KCNQ2: variants seen among roughly 807,000 people sequenced by gnomAD.
KCNQ2 encodes the protein potassium voltage-gated channel subfamily KQT member 2.
KCNQ2 carries 14 observed loss-of-function variants against 84.8 expected under a neutral mutation model. That is an observed-to-expected ratio of 0.17 (90% CI 0.11 to 0.26). KCNQ2 has a LOEUF of 0.26. KCNQ2 is among the 10% of genes least tolerant of loss of function. The pLI is 1.00. For missense variants in KCNQ2, 788 were observed against 1,254.0 expected (o/e 0.63, Z 5.61); for synonymous variants, 599 against 554.1 (o/e 1.08, Z -1.14).
chr20:63,430,611 G>A (rs1384300225), intron 9 of KCNQ2, among the ~76,000 whole-genome samples: 1 of 152,234 alleles, frequency 6.6e-6, no homozygotes, highest in African/African-American at 2.4e-5. Flanking sequence ...ACAGGTAAAG[G>A]CCCTTTGTGC....
intron 7 of KCNQ2, among the ~76,000 whole-genome samples, chr20:63,436,400 G>A (rs1051046141): frequency 1.3e-5 from 2 of 152,104 alleles, no homozygotes; most frequent in East Asian, 1.9e-4. Context: ...GCGTGGTGGT[G>A]GGTGCCTGTA....
intron 11 of KCNQ2, among the ~76,000 whole-genome samples, chr20:63,421,489 A>T (rs2080469040): frequency 6.6e-6 from 1 of 152,120 alleles, no homozygotes; most frequent in Admixed American, 6.5e-5. Flanking sequence ...CGCAGCTGGC[A>T]CTGGGCTTCC....
chr20:63,467,650 A>T (rs997578977), intron 1 of KCNQ2, among the ~76,000 whole-genome samples: 3 of 152,254 alleles, frequency 2.0e-5, no homozygotes, highest in African/African-American at 7.2e-5. Flanking sequence ...ACGGAGATCC[A>T]TAGATTCATT....
intron 1 of KCNQ2, among the ~76,000 whole-genome samples, chr20:63,453,467 C>T (rs978814570): frequency 2.6e-5 from 4 of 152,384 alleles, no homozygotes; most frequent in East Asian, 3.9e-4. Flanking sequence ...GCAGACATCT[C>T]GTGCGCCTTC....
Position 63,406,701 on chromosome 20 carries a change from G to T in KCNQ2, c.2562C>A (p.Arg854=). 1 of 1,607,424 alleles carries T rather than the reference G, an allele frequency of 6.2e-7. No individual in the cohort carries two copies. The change falls in exon 17 of 17, where the codon CGC becomes CGA. Residue 854 remains arginine (R), a synonymous_variant. Transcript: ENST00000359125. The stretch of plus-strand genomic sequence containing the variant: ...CAAAGGGACCCTCGCCGGTGGCCGA[G>T]CGTGGCGGGGGCCCGCACGGGGTAC... ...DLCTPCGPPP[R]SATGEGPFGD...
chr20:63,409,365 T>A (rs1276726809), intron 15 of KCNQ2, among the ~76,000 whole-genome samples: 2 of 152,238 alleles, frequency 1.3e-5, no homozygotes, highest in East Asian at 3.8e-4. Context: ...TGATCTCCAA[T>A]GAGGCCACAG....
chr20:63,406,441 C>T lies in KCNQ2; in HGVS notation c.*203G>A, dbSNP rs2079934653. On this transcript the variant is annotated 3_prime_UTR_variant, in exon 17 of 17. Transcript: ENST00000359125. ...GAGCCACAGGGCCCTGCCCAGCCCT[C>T]CAGCCCCTGTTGGAAAATAACTTTT... 1.5e-6 allele frequency: 1 copy of T among 669,862 alleles called. No individual in the cohort carries two copies. Among genetic ancestry groups the T allele is most frequent in the Non-Finnish European group, 2.5e-6 (1 of 405,802 alleles). The allele number at this position is 669,862 out of a possible 1,614,324, so 41.5% of individuals were successfully genotyped here.
At chr20:63,434,577 T>A (rs1298008414) in intron 7 of KCNQ2, 1 of 151,548 alleles carries the variant, frequency 6.6e-6, no homozygotes, top group African/African-American at 2.4e-5. Context: ...AACCCCCTCC[T>A]ACCCCCGACG....
intron 8 of KCNQ2, among the ~76,000 whole-genome samples, chr20:63,432,754 A>ACAGGGAAGGCTCCACCCT (rs1568914384): frequency 3.7e-5 from 3 of 81,842 alleles, no homozygotes; most frequent in South Asian, 4.2e-4. Flanking sequence ...GGCTCCACCC[A>ACAGGGAAGGCTCCACCCT]CAGGGAAGGC....
chr20:63,411,168 C>A (rs1035532451), intron 15 of KCNQ2: 5 of 369,132 alleles, frequency 1.4e-5, no homozygotes, highest in South Asian at 2.0e-5. Flanking sequence ...CTGTGCCGGG[C>A]ACCTGGCAGG....
In KCNQ2 at chr20:63,419,783, G is replaced by A. The variant is rs901425210; in HGVS notation, c.1248-111C>T. On this transcript the variant is annotated intron_variant, in intron 11 of 16. Transcript: ENST00000359125. ...CAGGGTGTTGTGTGCAGTCCCCAGC[G>A]GCAGAGCTTGCGCCCAAGCAAGGCC... 1.8e-5 allele frequency: 18 copies of A among 975,314 alleles called. 1 individual carries two copies. The highest frequency in any genetic ancestry group is 1.4e-4 in the Admixed American group (7 of 50,242). 60.4% of individuals were successfully genotyped at this position (975,314 alleles called of 1,614,324 possible).
intron 1 of KCNQ2, among the ~76,000 whole-genome samples, chr20:63,454,965 G>T (rs372260580): frequency 1.3e-5 from 2 of 152,230 alleles, no homozygotes; most frequent in African/African-American, 4.8e-5. Context: ...CACTAAGCTG[G>T]GGGACACAGC....
intron 6 of KCNQ2, 125 bp downstream of exon 6, chr20:63,439,473 G>A: frequency 4.0e-6 from 3 of 749,064 alleles, no homozygotes; most frequent in Non-Finnish European, 7.1e-6. Context: ...GGGGGCTGTG[G>A]ACCTGCTGAG....
chr20:63,443,069 TTATCACCACCAC>T (rs2081271397), intron 4 of KCNQ2, among the ~76,000 whole-genome samples: 1 of 42,808 alleles, frequency 2.3e-5, no homozygotes, highest in Non-Finnish European at 4.6e-5. Flanking sequence ...ACCATCACCA[TTATCACCACCAC>T]CACCATTATC....
chr20:63,457,363 G>A (rs1388251269), intron 1 of KCNQ2, among the ~76,000 whole-genome samples: 1 of 152,230 alleles, frequency 6.6e-6, no homozygotes, highest in Non-Finnish European at 1.5e-5. Flanking sequence ...AGGTGGGACC[G>A]AGCCTCCCAA....
chr20:63,430,796 G>A (rs1242151338), intron 9 of KCNQ2, among the ~76,000 whole-genome samples: 1 of 152,216 alleles, frequency 6.6e-6, no homozygotes, highest in African/African-American at 2.4e-5. Flanking sequence ...GAGACCCTGA[G>A]GCAGACCCCT....
At position 63,431,439 on chromosome 20, in the gene KCNQ2, G is replaced by C; in HGVS notation, c.1119-70C>G. 2.0e-6 allele frequency: 3 copies of C among 1,532,956 alleles called. No individual in the cohort carries two copies. In the South Asian group the frequency reaches 3.4e-5, roughly 17 times the overall value. 95.0% of individuals were successfully genotyped at this position (1,532,956 alleles called of 1,614,324 possible). A position where few individuals can be genotyped will look rare whatever the true frequency, so the allele number is the denominator to read the frequency against. On this transcript the variant is annotated intron_variant, in intron 8 of 16. Transcript: ENST00000359125. ...TTCAAAAAGAACGGGATAAGAAAAA[G>C]AAAATGAAACAAATAGTTGAGGAAA...
intron 1 of KCNQ2, among the ~76,000 whole-genome samples, chr20:63,464,619 A>G (rs1345822523): frequency 1.3e-5 from 2 of 152,090 alleles, no homozygotes; most frequent in African/African-American, 2.4e-5. Context: ...AACAGGAGAA[A>G]GCACCTGCAC....
At chr20:63,428,262 C>T in intron 10 of KCNQ2, 105 bp downstream of exon 10, 2 of 844,988 alleles carry the variant, frequency 2.4e-6, no homozygotes, top group South Asian at 2.9e-5. Flanking sequence ...CGTCCCAGCT[C>T]CCTGGAGTCC....
Sources: gnomAD v4.1 joint callset for allele counts (sites outside exome capture counted in the v4.1 genomes callset) on GRCh38, gnomAD v4.1.1 for gene constraint, MANE v1.5 for transcripts, NCBI Gene and HGNC (gene_info 2026-07-23, HGNC 2026-07-21) for gene names.